Variants in SLC4A10 observed in about 807,000 individuals in gnomAD.
SLC4A10 encodes sodium-driven chloride bicarbonate exchanger.
In SLC4A10, 42 loss-of-function variants were observed where a neutral mutation model predicts 137.7. The ratio of observed to expected loss-of-function variants is 0.30; its 90% CI spans 0.24 to 0.39. The LOEUF is 0.39. SLC4A10 is among the 10% of genes least tolerant of loss of function. The pLI is 1.00. For missense variants in SLC4A10, 925 were observed against 1,355.0 expected (o/e 0.68, Z 4.98); for synonymous variants, 474 against 464.1 (o/e 1.02, Z -0.27).
intron 1 of SLC4A10, among the ~76,000 whole-genome samples, chr2:161,757,029 A>C (rs1371685343): frequency 7.2e-5 from 11 of 152,180 alleles, no homozygotes. Context: ...AAAGAAGATG[A>C]ATTTTCAAGT....
At chr2:161,865,534 T>C (rs569050210) in intron 6 of SLC4A10, among the ~76,000 whole-genome samples, 23 of 152,056 alleles carry the variant, frequency 1.5e-4, no homozygotes, top group Admixed American at 3.3e-4. Context: ...TAAGTATTGT[T>C]GTAGAGTATG....
chr2:161,858,100 C>T (rs1361398913), intron 5 of SLC4A10, among the ~76,000 whole-genome samples: 1 of 152,064 alleles, frequency 6.6e-6, no homozygotes, highest in African/African-American at 2.4e-5. Context: ...CTCTTATTTA[C>T]CATGATTTTT....
chr2:161,896,118 A>C (rs2063470951), intron 11 of SLC4A10, among the ~76,000 whole-genome samples: 1 of 152,166 alleles, frequency 6.6e-6, no homozygotes, highest in African/African-American at 2.4e-5. Flanking sequence ...ATCCACTTTC[A>C]GCTTTCTACA....
At chr2:161,767,359 C>G (rs62189052) in intron 1 of SLC4A10, among the ~76,000 whole-genome samples, 12,260 of 150,718 alleles carry the variant, frequency 0.081, 634 homozygotes, top group East Asian at 0.15. Flanking sequence ...ACTATAACTT[C>G]TTGTGTTTTA....
At chr2:161,634,006 A>AGAAACTTTCTGATACAATGTTTTTAGAT in intron 1 of SLC4A10, among the ~76,000 whole-genome samples, 1 of 151,884 alleles carries the variant, frequency 6.6e-6, no homozygotes, top group Non-Finnish European at 1.5e-5. Flanking sequence ...CTAGAAAGTT[A>AGAAACTTTCTGATACAATGTTTTTAGAT]ACACTGATAC....
intron 6 of SLC4A10, among the ~76,000 whole-genome samples, chr2:161,865,274 G>A (rs1348834128): frequency 1.3e-5 from 2 of 151,918 alleles, no homozygotes; most frequent in Non-Finnish European, 2.9e-5. Flanking sequence ...TTAAACATTA[G>A]AAGAGATGTT....
chr2:161,836,365 G>A (rs1007517929), intron 3 of SLC4A10, among the ~76,000 whole-genome samples: 1 of 152,156 alleles, frequency 6.6e-6, no homozygotes, highest in African/African-American at 2.4e-5. Flanking sequence ...GGGTGTGGTG[G>A]TGCATGCCTG....
In SLC4A10 at chr2:161,804,588, T is replaced by G. The variant is rs1175615658; in HGVS notation, c.270T>G (p.Pro90=). ...DSGLEDGRES[P]SFDTPSQRVQ... is the part of the protein sequence containing the mutation. The stretch of plus-strand genomic sequence containing the variant: ...GATTAGAGGATGGAAGGGAGTCACC[T>G]TCTTTTGGTAAGAATCCTTCTCCTT... Residue 90 remains proline (P), a synonymous_variant, in exon 3 of 27, where the codon CCT becomes CCG. Transcript: ENST00000446997. 6.2e-7 allele frequency: 1 copy of G among 1,608,640 alleles called. No individual in the cohort carries two copies. Among genetic ancestry groups the G allele is most frequent in the African/African-American group, 1.3e-5 (1 of 74,844 alleles).
intron 26 of SLC4A10, among the ~76,000 whole-genome samples, chr2:161,981,755 G>T (rs1348412889): frequency 2.0e-5 from 3 of 152,198 alleles, no homozygotes; most frequent in Non-Finnish European, 4.4e-5. Flanking sequence ...TTTTCTCATG[G>T]AAGGAGAAAA....
intron 2 of SLC4A10, among the ~76,000 whole-genome samples, chr2:161,777,135 A>G (rs1282845124): frequency 1.3e-5 from 2 of 151,528 alleles, no homozygotes; most frequent in Non-Finnish European, 2.9e-5. Flanking sequence ...AAAAAAGTTA[A>G]AATTAATTTT....
intron 1 of SLC4A10, among the ~76,000 whole-genome samples, chr2:161,685,155 A>G (rs2041247521): frequency 6.6e-6 from 1 of 152,196 alleles, no homozygotes; most frequent in Non-Finnish European, 1.5e-5. Flanking sequence ...GTTATGGTTA[A>G]TGATTCTTCT....
At chr2:161,660,374 A>C (rs185555449) in intron 1 of SLC4A10, among the ~76,000 whole-genome samples, 1 of 152,230 alleles carries the variant, frequency 6.6e-6, no homozygotes, top group East Asian at 1.9e-4. Context: ...CTGCTAAGGC[A>C]TGAGTATCCA....
rs1313642080 is a variant in SLC4A10 at position 161,949,246 on chromosome 2, A to G, written c.2364A>G (p.Val788=). 1.2e-6 allele frequency: 2 copies of G among 1,609,048 alleles called. No homozygotes were observed. The highest frequency in any genetic ancestry group is 1.7e-6 in the Non-Finnish European group (2 of 1,176,154). Residue 788 remains valine, a synonymous_variant, in exon 18 of 27, where the codon GTA becomes GTG. Transcript: ENST00000446997. Reference sequence around the variant, plus strand: ...GGATCCCATCTCCAAAACTACAAGTACCAAGTGTTTTCAAGGTACTTACTA... The same window carrying G: ...GGATCCCATCTCCAAAACTACAAGTGCCAAGTGTTTTCAAGGTACTTACTA... ...AIGIPSPKLQ[V]PSVFKPTRDD...
chr2:161,709,489 T>C (rs1177110747), intron 1 of SLC4A10, among the ~76,000 whole-genome samples: 1 of 151,642 alleles, frequency 6.6e-6, no homozygotes, highest in Non-Finnish European at 1.5e-5. Flanking sequence ...TTAAGGTAGA[T>C]ATATACTAAC....
chr2:161,661,223 C>T (rs563597828), intron 1 of SLC4A10, among the ~76,000 whole-genome samples: 26 of 152,134 alleles, frequency 1.7e-4, no homozygotes, highest in African/African-American at 5.8e-4. Context: ...GCCTGTAATC[C>T]CAGCACTTTG....
chr2:161,649,397 A>G (rs1463078382), intron 1 of SLC4A10, among the ~76,000 whole-genome samples: 2 of 152,210 alleles, frequency 1.3e-5, no homozygotes, highest in South Asian at 2.1e-4. Context: ...TGATTGAAAA[A>G]CAATATGTGA....
chr2:161,659,021 T>C lies in SLC4A10; in HGVS notation c.48+34455T>C, dbSNP rs530833538. 1.8e-4 allele frequency among the ~76,000 whole-genome samples: 28 copies of C among 152,290 alleles called. 2 individuals are homozygous for C. The South Asian group carries it at 5.4e-3, about 29-fold the overall frequency. ...ATTTCTCAAAGAATTAAAACTAGAA[T>C]TACCATTTAGTCCAGCAATCCCACT... is the stretch of plus-strand genomic sequence containing the variant. On this transcript the variant is annotated intron_variant, in intron 1 of 26. Coordinates refer to ENST00000446997, the MANE Select transcript of SLC4A10 (RefSeq NM_001178015.2).
intron 5 of SLC4A10, among the ~76,000 whole-genome samples, chr2:161,858,627 T>A (rs1483209568): frequency 6.6e-6 from 1 of 152,214 alleles, no homozygotes; most frequent in Non-Finnish European, 1.5e-5. Context: ...ATTATATTCA[T>A]ATAAATTACA....
chr2:161,854,828 A>G, intron 4 of SLC4A10, 142 bp from the exon 5 acceptor site: 1 of 681,210 alleles, frequency 1.5e-6, no homozygotes, highest in Non-Finnish European at 2.1e-6. Context: ...CAAATGGCTT[A>G]GACTAGCTTT....
Sources: gnomAD v4.1 joint callset for allele counts (sites outside exome capture counted in the v4.1 genomes callset) on GRCh38, gnomAD v4.1.1 for gene constraint, MANE v1.5 for transcripts, NCBI Gene and HGNC (gene_info 2026-07-23, HGNC 2026-07-21) for gene names.